Variants in DRAXIN observed in about 807,000 individuals in gnomAD.
DRAXIN encodes dorsal inhibitory axon guidance protein.
A neutral mutation model predicts 33.9 loss-of-function variants in DRAXIN; 27 were observed. The ratio of observed to expected loss-of-function variants is 0.80; its 90% confidence interval spans 0.59 to 1.10. The LOEUF (loss-of-function observed/expected upper bound fraction) is 1.10, where lower values mean the gene tolerates loss of function less well. DRAXIN is among the 50% of genes least tolerant of loss of function. The probability of loss-of-function intolerance (pLI) is 0.00; values close to 1 mark genes in which losing one functional copy is unlikely to be tolerated. For missense variants in DRAXIN, 371 were observed against 460.8 expected (o/e 0.81, Z 1.78); for synonymous variants, 178 against 194.0 (o/e 0.92, Z 0.69).
chr1:11,704,133 C>T lies in DRAXIN; in HGVS notation c.-10-2116C>T, dbSNP rs1641342567. Among the ~76,000 whole-genome samples the T allele has an allele frequency of 6.6e-6, 1 of 152,204 alleles. No individual in the cohort carries two copies. The highest frequency in any genetic ancestry group is 1.5e-5 in the Non-Finnish European group (1 of 68,034). On this transcript the variant is annotated intron_variant, in intron 1 of 6. Transcript: ENST00000294485. This position sits in a 1 kb window ranked among gnomAD's most constrained non-coding sequence, Gnocchi z 4.6. The stretch of plus-strand genomic sequence containing the variant: ...TGCCCGCACTGTCTGGGTTTTCTTC[C>T]TCATTCCCCTCAACCCCCAGGACAA...
intron 1 of DRAXIN, among the ~76,000 whole-genome samples, chr1:11,695,519 C>T (rs1641176818): frequency 6.6e-6 from 1 of 151,534 alleles, no homozygotes; most frequent in South Asian, 2.1e-4. Context: ...CCAGGAGGCA[C>T]AGGTTGCAGG....
intron 3 of DRAXIN, 51 bp downstream of exon 3, chr1:11,709,516 T>C: frequency 6.4e-7 from 1 of 1,557,602 alleles, no homozygotes; most frequent in Non-Finnish European, 8.7e-7. Flanking sequence ...TGAGCCCATG[T>C]CATGGAAAGC....
chr1:11,697,726 T>A (rs897811851), intron 1 of DRAXIN, among the ~76,000 whole-genome samples: 1 of 152,028 alleles, frequency 6.6e-6, no homozygotes, highest in Non-Finnish European at 1.5e-5. Context: ...GGATTCACTC[T>A]CCCCTGCGAT....
chr1:11,689,077 C>T (rs1641013233), upstream of DRAXIN, among the ~76,000 whole-genome samples: 1 of 152,144 alleles, frequency 6.6e-6, no homozygotes, highest in African/African-American at 2.4e-5. Context: ...AGGCAGATTG[C>T]CTGGGGTCAG....
intron 1 of DRAXIN, among the ~76,000 whole-genome samples, chr1:11,698,753 A>G (rs1475497383): frequency 6.6e-6 from 1 of 152,190 alleles, no homozygotes; most frequent in Non-Finnish European, 1.5e-5. Context: ...GCTACTTAGG[A>G]GACTGAGGCA....
chr1:11,697,607 G>A (rs1641212026), intron 1 of DRAXIN, among the ~76,000 whole-genome samples: 1 of 152,204 alleles, frequency 6.6e-6, no homozygotes, highest in Admixed American at 6.5e-5. Flanking sequence ...CCTCAGACTG[G>A]TGGTTTCCAG....
rs960973308 is a variant in DRAXIN, at chr1:11,722,445, T to C, written c.*2749T>C. 3 of 152,168 alleles carry C rather than the reference T, an allele frequency of 2.0e-5. No individual in the cohort carries two copies. The highest frequency in any genetic ancestry group is 7.2e-5 in the African/African-American group (3 of 41,432). The allele number at this position is 152,168 out of a possible 1,614,324, so 9.4% of individuals were successfully genotyped here. On this transcript the variant is annotated 3_prime_UTR_variant, in exon 7 of 7. Coordinates refer to ENST00000294485, the MANE Select transcript of DRAXIN (RefSeq NM_198545.4). Reference sequence around the variant, plus strand: ...AAGGCCCGTCTCTTTGCCCTAGCTATCTCTATTTGACATTTCCAAAGAGGG... The same window carrying C: ...AAGGCCCGTCTCTTTGCCCTAGCTACCTCTATTTGACATTTCCAAAGAGGG...
rs1641161523 is a variant in DRAXIN, at chr1:11,694,577, C to A, written c.-11+2724C>A. Among the ~76,000 whole-genome samples, 1 of 152,084 alleles carries A rather than the reference C, an allele frequency of 6.6e-6. No individual in the cohort carries two copies. The highest frequency in any genetic ancestry group is 2.1e-4 in the South Asian group (1 of 4,826). Reference sequence around the variant, plus strand: ...AGGGAGTTCCTTCACGTGTGTCGGCCAGGAATGTGATGGAGCAGGGACTTG... The same window carrying A: ...AGGGAGTTCCTTCACGTGTGTCGGCAAGGAATGTGATGGAGCAGGGACTTG... On this transcript the variant is annotated intron_variant, in intron 1 of 6. Transcript: ENST00000294485. The surrounding 1 kb of genome is among the most constrained non-coding windows in gnomAD (Gnocchi z 4.9).
chr1:11,695,259 T>C (rs1194983860), intron 1 of DRAXIN, among the ~76,000 whole-genome samples: 2 of 152,156 alleles, frequency 1.3e-5, no homozygotes, highest in South Asian at 2.1e-4. Context: ...TACACAGCCA[T>C]TGTTGCTATT....
intron 2 of DRAXIN, among the ~76,000 whole-genome samples, chr1:11,707,717 T>C (rs1641411194): frequency 6.6e-6 from 1 of 152,148 alleles, no homozygotes; most frequent in Non-Finnish European, 1.5e-5. Context: ...CCCTAGCCCT[T>C]CCCACCTTCC....
Position 11,706,588 on chromosome 1 carries a change from C to CCTG in DRAXIN, c.333_335dup (p.Leu113dup), listed in dbSNP as rs750771353. 3.1e-6 allele frequency: 5 copies of CCTG among 1,607,400 alleles called. No homozygotes were observed. The Admixed American group carries it at 8.4e-5, about 27-fold the overall frequency. ...CTGCAGGCCTGCTGCAGGACAAGGA[C>CCTG]CTGCTCCTGGGACTGGCATTGCCCT... On this transcript the variant is annotated inframe_insertion, in exon 2 of 7. Transcript: ENST00000294485. The surrounding 1 kb of genome is among the most constrained non-coding windows in gnomAD (Gnocchi z 5.5).
At chr1:11,686,991 A>G (rs1412669396), upstream of DRAXIN, among the ~76,000 whole-genome samples, 1 of 152,130 alleles carries the variant, frequency 6.6e-6, no homozygotes, top group Admixed American at 6.5e-5. Context: ...TCATGCCCAA[A>G]GTGTGTTGCC....
chr1:11,713,330 C>T (rs1167988600), intron 5 of DRAXIN, among the ~76,000 whole-genome samples: 1 of 152,232 alleles, frequency 6.6e-6, no homozygotes, highest in Non-Finnish European at 1.5e-5. Flanking sequence ...AAAGCCTCTT[C>T]ACCACAGCCC....
rs944708522 is a variant in DRAXIN, at chr1:11,692,416, C to A, written c.-11+563C>A. Reference sequence around the variant, plus strand: ...CCGGGGTCGCTGAGTGCGCCCGGAACCAGCACCGCCGGTGGCCCCGCGCCG... The same window carrying A: ...CCGGGGTCGCTGAGTGCGCCCGGAAACAGCACCGCCGGTGGCCCCGCGCCG... On this transcript the variant is annotated intron_variant, in intron 1 of 6. Coordinates refer to ENST00000294485, the MANE Select transcript of DRAXIN (RefSeq NM_198545.4). This position sits in a 1 kb window ranked among gnomAD's most constrained non-coding sequence, Gnocchi z 5.8. Among the ~76,000 whole-genome samples, 2 of 152,160 alleles carry A rather than the reference C, an allele frequency of 1.3e-5. No individual in the cohort carries two copies. The highest frequency in any genetic ancestry group is 4.8e-5 in the African/African-American group (2 of 41,442).
rs777579102 is a variant in DRAXIN, at chr1:11,694,617, C to T, written c.-11+2764C>T. ...GCAGGGACTTGCATCCCAGCCTCCC[C>T]GAACTTCCCTCAGAGGCATGAGCAT... On this transcript the variant is annotated intron_variant, in intron 1 of 6. Transcript: ENST00000294485. The surrounding 1 kb of genome is among the most constrained non-coding windows in gnomAD (Gnocchi z 4.9). Among the ~76,000 whole-genome samples the T allele has an allele frequency of 1.4e-4, 21 of 151,480 alleles. No individual in the cohort carries two copies. Among genetic ancestry groups the T allele is most frequent in the Non-Finnish European group, 2.4e-4 (16 of 67,784 alleles).
chr1:11,719,185 T>A (rs1641623459), intron 6 of DRAXIN, among the ~76,000 whole-genome samples: 1 of 152,224 alleles, frequency 6.6e-6, no homozygotes, highest in Non-Finnish European at 1.5e-5. Context: ...ATTATAGGCG[T>A]GAGCCACCGT....
chr1:11,709,063 C>T (rs952667242), intron 2 of DRAXIN, among the ~76,000 whole-genome samples: 3 of 152,350 alleles, frequency 2.0e-5, no homozygotes, highest in African/African-American at 7.2e-5. Flanking sequence ...GTCTCCCCAG[C>T]GACACTGCAA....
chr1:11,690,823 G>A (rs1299804948), upstream of DRAXIN, among the ~76,000 whole-genome samples: 1 of 152,130 alleles, frequency 6.6e-6, no homozygotes, highest in Non-Finnish European at 1.5e-5. This position sits in a 1 kb window ranked among gnomAD's most constrained non-coding sequence, Gnocchi z 4.2. Flanking sequence ...CGCCCCGCGC[G>A]GTGATGGATG....
chr1:11,712,392 A>G lies in DRAXIN; in HGVS notation c.810A>G (p.Glu270=), dbSNP rs1641507973. 6.2e-7 allele frequency: 1 copy of G among 1,614,126 alleles called. No homozygotes were observed. The highest frequency in any genetic ancestry group is 8.5e-7 in the Non-Finnish European group (1 of 1,180,002). Reference sequence around the variant, plus strand: ...ATGGTAACGAAACATCACCAGCCGAAGGGGAACCATGCGACCATCACCAAG... The same window carrying G: ...ATGGTAACGAAACATCACCAGCCGAGGGGGAACCATGCGACCATCACCAAG... ...SSDGNETSPA[E]GEPCDHHQDC... The change falls in exon 5 of 7, where the codon GAA becomes GAG. Residue 270 remains glutamate (E), a synonymous_variant. Coordinates refer to ENST00000294485, the MANE Select transcript of DRAXIN (RefSeq NM_198545.4).
Sources: allele counts gnomAD v4.1 joint callset (sites outside exome capture counted in the v4.1 genomes callset), GRCh38; gene constraint gnomAD v4.1.1; non-coding constraint Gnocchi (gnomAD v3.1); transcripts MANE v1.5; gene names NCBI Gene and HGNC (gene_info 2026-07-23, HGNC 2026-07-21).